DTNA: variants seen among roughly 807,000 people sequenced by gnomAD.
DTNA encodes the protein dystrophin-related protein 3.
DTNA carries 43 observed loss-of-function variants against 100.7 expected under a neutral mutation model. The observed-to-expected ratio is 0.43, with a 90% CI of 0.33 to 0.55. The LOEUF (loss-of-function observed/expected upper bound fraction) is 0.55. Ranked by LOEUF, DTNA falls within the 20% of genes least tolerant of loss-of-function variation. The pLI, the probability that DTNA is intolerant of heterozygous loss-of-function variation, is 0.04. For missense variants in DTNA, 798 were observed against 953.9 expected (o/e 0.84, Z 2.15); for synonymous variants, 349 against 347.9 (o/e 1.00, Z -0.04).
intron 13 of DTNA, among the ~76,000 whole-genome samples, chr18:34,840,248 T>C (rs2096243754): frequency 6.6e-6 from 1 of 152,174 alleles, no homozygotes; most frequent in Non-Finnish European, 1.5e-5. Context: ...TCTTCAAATT[T>C]TGTGAGCTTC....
chr18:34,495,483 G>T (rs1458417111), intron 1 of DTNA, among the ~76,000 whole-genome samples: 2 of 152,172 alleles, frequency 1.3e-5, no homozygotes, highest in Non-Finnish European at 2.9e-5. Context: ...AATTTCATAG[G>T]TTATTAGTCT....
In DTNA at chr18:34,888,722, G is replaced by A. The variant is rs1314369741; in HGVS notation, c.*988G>A. ...CTAAAGTTATCTCTGCTCTTCCATG[G>A]TCTTGTTCCTCTCGTTTTGGCTTTA... On this transcript the variant is annotated 3_prime_UTR_variant, in exon 23 of 23. Coordinates refer to ENST00000444659, the MANE Select transcript of DTNA (RefSeq NM_001386795.1). 1 of 985,662 alleles carries A rather than the reference G, an allele frequency of 1.0e-6. No individual in the cohort carries two copies. The highest frequency in any genetic ancestry group is 1.7e-5 in the African/African-American group (1 of 57,192). The allele number at this position is 985,662 out of a possible 1,614,324, so 61.1% of individuals were successfully genotyped here.
intron 1 of DTNA, among the ~76,000 whole-genome samples, chr18:34,610,440 T>C (rs1430147223): frequency 6.6e-6 from 1 of 152,200 alleles, no homozygotes; most frequent in Non-Finnish European, 1.5e-5. Flanking sequence ...CCAGAAACTT[T>C]ATGACTTTAT....
intron 1 of DTNA, among the ~76,000 whole-genome samples, chr18:34,575,310 A>T (rs2048008485): frequency 6.7e-6 from 1 of 149,310 alleles, no homozygotes; most frequent in East Asian, 1.9e-4. Context: ...TTTTTTCAAG[A>T]GTTTGTAAGG....
chr18:34,516,311 G>A (rs998078440), intron 1 of DTNA, among the ~76,000 whole-genome samples: 17 of 152,152 alleles, frequency 1.1e-4, no homozygotes, highest in African/African-American at 3.9e-4. Context: ...CACATGCTTC[G>A]AGGGCAATAA....
intron 22 of DTNA, among the ~76,000 whole-genome samples, chr18:34,885,061 T>A (rs771838779): frequency 4.6e-5 from 7 of 152,198 alleles, no homozygotes; most frequent in African/African-American, 7.2e-5. Flanking sequence ...TCTGTGGCTA[T>A]GAAACTTACC....
At chr18:34,590,417 T>C (rs558990712) in intron 1 of DTNA, among the ~76,000 whole-genome samples, 3 of 152,324 alleles carry the variant, frequency 2.0e-5, no homozygotes, top group Admixed American at 6.5e-5. Context: ...TATAAAACTA[T>C]CACCATGAGA....
chr18:34,690,276 C>T (rs1032962498), intron 1 of DTNA, among the ~76,000 whole-genome samples: 1 of 152,176 alleles, frequency 6.6e-6, no homozygotes. Flanking sequence ...CCTTGTGGCA[C>T]AGGCACTCAA....
At chr18:34,569,998 A>G (rs1265952125) in intron 1 of DTNA, among the ~76,000 whole-genome samples, 2 of 152,182 alleles carry the variant, frequency 1.3e-5, no homozygotes, top group Non-Finnish European at 2.9e-5. Context: ...ACCATATGAC[A>G]CATACGTTCC....
At chr18:34,544,314 AAT>A (rs1462577979) in intron 1 of DTNA, among the ~76,000 whole-genome samples, 7 of 152,106 alleles carry the variant, frequency 4.6e-5, no homozygotes, top group Admixed American at 1.3e-4. Context: ...TGATTAAATA[AAT>A]ATGTTTTTTT....
In DTNA at chr18:34,607,792, TC is replaced by T. The variant is rs1303319029; in HGVS notation, c.-2+114281del. 3.3e-5 allele frequency among the ~76,000 whole-genome samples: 5 copies of T among 152,154 alleles called. No homozygotes were observed. In the East Asian group the frequency reaches 9.6e-4, roughly 29 times the overall value. On this transcript the variant is annotated intron_variant, in intron 1 of 19. Coordinates refer to the DTNA transcript ENST00000283365. ...TTGCTGGAAATTGGGGTACTTTGTT[TC>T]CCATGCATTCACACAATCCACTTTA...
At chr18:34,747,104 C>CTATATATATATA (rs35537934) in intron 1 of DTNA, among the ~76,000 whole-genome samples, 15 of 148,226 alleles carry the variant, frequency 1.0e-4, no homozygotes, top group African/African-American at 3.8e-4. Flanking sequence ...ATATCTGTAT[C>CTATATATATATA]TATATATATA....
chr18:34,787,060 T>C (rs548753435), intron 3 of DTNA, among the ~76,000 whole-genome samples: 77 of 152,330 alleles, frequency 5.1e-4, no homozygotes, highest in African/African-American at 1.7e-3. Flanking sequence ...GCAGCATTTC[T>C]AAATAGCCTG....
intron 1 of DTNA, among the ~76,000 whole-genome samples, chr18:34,528,761 A>T (rs114984925): frequency 0.017 from 2,535 of 152,198 alleles, 60 homozygotes; most frequent in African/African-American, 0.049. Context: ...TTTTTTAAAC[A>T]TGAGCCTGCT....
chr18:34,795,739 G>A (rs1411159098), intron 4 of DTNA, among the ~76,000 whole-genome samples: 6 of 152,138 alleles, frequency 3.9e-5, no homozygotes, highest in Non-Finnish European at 7.4e-5. Flanking sequence ...AACTCATAAA[G>A]AATCAAAGCC....
At chr18:34,773,791 T>C (rs2093905154) in intron 3 of DTNA, among the ~76,000 whole-genome samples, 1 of 152,184 alleles carries the variant, frequency 6.6e-6, no homozygotes, top group African/African-American at 2.4e-5. Flanking sequence ...AGAGTAAACC[T>C]CTGGATGAGA....
At chr18:34,636,521 ACT>A (rs1445567801) in intron 1 of DTNA, among the ~76,000 whole-genome samples, 1 of 152,142 alleles carries the variant, frequency 6.6e-6, no homozygotes, top group Non-Finnish European at 1.5e-5. Context: ...GTCTGAGAGA[ACT>A]CTCTCAATTC....
chr18:34,710,704 G>C (rs2082731164), intron 1 of DTNA, among the ~76,000 whole-genome samples: 1 of 151,738 alleles, frequency 6.6e-6, no homozygotes, highest in African/African-American at 2.4e-5. Context: ...GTGTGTGTAA[G>C]TCAAAGAAAG....
intron 1 of DTNA, among the ~76,000 whole-genome samples, chr18:34,597,107 G>A (rs931322449): frequency 6.6e-6 from 1 of 152,066 alleles, no homozygotes; most frequent in Admixed American, 6.5e-5. Context: ...GTGGTGTTCG[G>A]TTTTCTGTTC....
Sources: allele counts gnomAD v4.1 joint callset (sites outside exome capture counted in the v4.1 genomes callset), GRCh38; gene constraint gnomAD v4.1.1; transcripts MANE v1.5; gene names NCBI Gene and HGNC (gene_info 2026-07-23, HGNC 2026-07-21).